Variants in RMC1 observed in about 807,000 individuals in gnomAD.
RMC1 encodes regulator of MON1-CCZ1, also known as regulator of MON1-CCZ1 complex.
Under a neutral mutation model 95.5 loss-of-function variants are expected in RMC1, and 44 were observed. The ratio of observed to expected loss-of-function variants is 0.46; its 90% confidence interval spans 0.36 to 0.59. The LOEUF (loss-of-function observed/expected upper bound fraction) is 0.59. Among genes scored for constraint, RMC1 ranks in the 20% least tolerant of loss-of-function variants. The probability of loss-of-function intolerance (pLI) is 0.00; values close to 1 mark genes in which losing one functional copy is unlikely to be tolerated. For synonymous variants in RMC1, 320 were observed against 303.6 expected (o/e 1.05, Z -0.56); for missense variants, 705 against 819.6 (o/e 0.86, Z 1.71).
intron 11 of RMC1, 70 bp from the exon 12 acceptor site, chr18:23,524,359 G>A (rs2058232576): frequency 1.5e-5 from 23 of 1,561,952 alleles, no homozygotes; most frequent in Non-Finnish European, 1.9e-5. Flanking sequence ...GCAGGGGCGA[G>A]TGCTAGCGGA....
chr18:23,528,883 GCT>G (rs2058390040), intron 14 of RMC1: 1 of 295,244 alleles, frequency 3.4e-6, no homozygotes, highest in South Asian at 3.9e-5. Flanking sequence ...GATCTGAACT[GCT>G]TTTTTTTTTT....
Position 23,503,705 on chromosome 18 carries a change from T to C in RMC1, c.87T>C (p.Asp29=). The C allele has an allele frequency of 1.3e-6, 2 of 1,590,956 alleles. No individual in the cohort carries two copies. The highest frequency in any genetic ancestry group is 1.7e-6 in the Non-Finnish European group (2 of 1,169,250). ...ACCCTGTCAACTGCGTCTTCTTCGA[T>C]GAGGCCAACAAGCAGGTCCGGCGCG... The part of the protein sequence containing the change: ...KANPVNCVFF[D]EANKQVFAVR... Residue 29 remains aspartate, a synonymous_variant, in exon 1 of 20, where the codon GAT becomes GAC. Coordinates refer to ENST00000269221, the MANE Select transcript of RMC1 (RefSeq NM_013326.5).
At chr18:23,531,502 G>A (rs2058505710) in intron 19 of RMC1, 123 bp from the exon 20 acceptor site, 17 of 1,481,466 alleles carry the variant, frequency 1.1e-5, no homozygotes, top group Non-Finnish European at 1.4e-5. Context: ...CCAAAACTTA[G>A]GAAAACAATG....
At chr18:23,530,725 T>C in intron 19 of RMC1, 113 bp downstream of exon 19, 1 of 934,340 alleles carries the variant, frequency 1.1e-6, no homozygotes, top group Admixed American at 2.7e-5. Flanking sequence ...CAACACAATT[T>C]GATAACAGCC....
intron 5 of RMC1, among the ~76,000 whole-genome samples, chr18:23,515,261 C>G (rs1271635782): frequency 2.0e-5 from 3 of 152,120 alleles, no homozygotes; most frequent in Non-Finnish European, 4.4e-5. Flanking sequence ...AACAGCCTAC[C>G]CAGGCTATAA....
chr18:23,505,624 C>G (rs551776296), intron 2 of RMC1, among the ~76,000 whole-genome samples: 1 of 152,268 alleles, frequency 6.6e-6, no homozygotes, highest in South Asian at 2.1e-4. Flanking sequence ...CGGAGGCTGG[C>G]TTAGTTGGGA....
chr18:23,515,764 C>T, intron 5 of RMC1, 92 bp from the exon 6 acceptor site: 1 of 1,488,548 alleles, frequency 6.7e-7, no homozygotes, highest in Admixed American at 1.7e-5. Context: ...AACTCCTGAC[C>T]TCAGGTGATC....
chr18:23,523,827 C>T (rs540613045), intron 10 of RMC1, among the ~76,000 whole-genome samples: 1 of 152,254 alleles, frequency 6.6e-6, no homozygotes, highest in South Asian at 2.1e-4. Context: ...TTTCTCAGTT[C>T]CTTAACGTGC....
At chr18:23,508,500 A>G (rs2057769094) in intron 4 of RMC1, among the ~76,000 whole-genome samples, 1 of 152,078 alleles carries the variant, frequency 6.6e-6, no homozygotes, top group African/African-American at 2.4e-5. Context: ...GTTGATTCTA[A>G]TCCACATTAA....
intron 12 of RMC1, among the ~76,000 whole-genome samples, chr18:23,525,410 G>A (rs1459586865): frequency 6.6e-6 from 1 of 151,896 alleles, no homozygotes. Flanking sequence ...ACCACGCCCA[G>A]TTAATTTATT....
chr18:23,522,952 C>T (rs1347288317), intron 10 of RMC1: 1 of 152,250 alleles, frequency 6.6e-6, no homozygotes, highest in Non-Finnish European at 1.5e-5. Flanking sequence ...AGTCAGCCAC[C>T]CTTTTTCTTT....
At chr18:23,522,759 C>G (rs1413198481) in intron 10 of RMC1, 2 of 152,324 alleles carry the variant, frequency 1.3e-5, no homozygotes, top group Non-Finnish European at 2.9e-5. Context: ...GTCTGGGGAT[C>G]TAGGTAGTGT....
Position 23,516,324 on chromosome 18 carries a change from G to C in RMC1, c.554G>C (p.Gly185Ala), listed in dbSNP as rs145956918. Reference sequence around the variant, plus strand: ...AAACATTTTCCCCCTAAACAGGCTGGCACTATGTCGAAGCTGCCCAAATTT... The same window carrying C: ...AAACATTTTCCCCCTAAACAGGCTGCCACTATGTCGAAGCTGCCCAAATTT... ...NVLQPFHFRA[G>A]TMSKLPKFEI... Residue 185 changes from glycine (G) to alanine (A), a missense_variant, in exon 7 of 20, where the codon GGC (glycine) becomes GCC (alanine). Coordinates refer to ENST00000269221, the MANE Select transcript of RMC1 (RefSeq NM_013326.5). 101 of 1,614,032 alleles carry C rather than the reference G, an allele frequency of 6.3e-5. No homozygotes were observed. The African/African-American group carries it at 1.2e-3, about 19-fold the overall frequency.
In RMC1 at chr18:23,530,415, TAGA is replaced by T; in HGVS notation, c.1700_1702del (p.Glu567del). The T allele has an allele frequency of 2.5e-6, 4 of 1,614,258 alleles. No homozygotes were observed. The highest frequency in any genetic ancestry group is 3.4e-6 in the Non-Finnish European group (4 of 1,180,042). On this transcript the variant is annotated inframe_deletion, in exon 19 of 20. Transcript: ENST00000269221. ...CTTTCAACAGCAAATGATGAAATAG[TAGA>T]AGTTCTCCTTTCCAAACACCAAGTG...
intron 13 of RMC1, among the ~76,000 whole-genome samples, chr18:23,527,294 G>A (rs891480748): frequency 1.3e-5 from 2 of 150,298 alleles, no homozygotes; most frequent in Admixed American, 6.7e-5. Flanking sequence ...AGCTACTCCA[G>A]AGGCTGCCGA....
At chr18:23,505,072 TTTTG>T (rs2057679044) in intron 2 of RMC1, among the ~76,000 whole-genome samples, 1 of 152,090 alleles carries the variant, frequency 6.6e-6, no homozygotes, top group South Asian at 2.1e-4. Context: ...AACTGTCCTT[TTTTG>T]AGAGGGAGCC....
Position 23,529,262 on chromosome 18 carries a change from G to A in RMC1, c.1380G>A (p.Val460=), listed in dbSNP as rs776280516. Residue 460 remains valine (V), a synonymous_variant, in exon 15 of 20, where the codon GTG becomes GTA. Coordinates refer to ENST00000269221, the MANE Select transcript of RMC1 (RefSeq NM_013326.5). ...RTQAVLDQSD[V]YTHVLSAFVE... ...AGGCGGTGCTGGACCAGTCAGATGT[G>A]TACACCCATGTCCTGTCAGCCTTTG... The A allele has an allele frequency of 1.9e-6, 3 of 1,613,772 alleles. No homozygotes were observed. The highest frequency in any genetic ancestry group is 1.3e-5 in the African/African-American group (1 of 74,904).
At chr18:23,516,764 C>A (rs1190855251) in intron 7 of RMC1, among the ~76,000 whole-genome samples, 1 of 147,070 alleles carries the variant, frequency 6.8e-6, no homozygotes, top group East Asian at 2.0e-4. Context: ...CTTGTTCTGT[C>A]CCCTAGGCTG....
chr18:23,523,652 G>A (rs1424805679), intron 10 of RMC1, among the ~76,000 whole-genome samples: 2 of 151,722 alleles, frequency 1.3e-5, no homozygotes, highest in Non-Finnish European at 2.9e-5. Context: ...GAGCCAAGGA[G>A]TTCGTGGTTA....
Sources: gnomAD v4.1 joint callset for allele counts (sites outside exome capture counted in the v4.1 genomes callset) on GRCh38, gnomAD v4.1.1 for gene constraint, MANE v1.5 for transcripts, NCBI Gene and HGNC (gene_info 2026-07-23, HGNC 2026-07-21) for gene names.